PDE1A: variants seen among roughly 807,000 people sequenced by gnomAD.
The protein encoded by PDE1A is phosphodiesterase 1A.
In PDE1A, 35 loss-of-function variants were observed where a neutral mutation model predicts 61.7. The ratio of observed to expected loss-of-function variants is 0.57; its 90% CI spans 0.43 to 0.75. The LOEUF is 0.75. Among genes scored for constraint, PDE1A ranks in the 30% least tolerant of loss-of-function variants. The pLI, the probability that PDE1A is intolerant of heterozygous loss-of-function variation, is 0.00. For synonymous variants in PDE1A, 232 were observed against 213.2 expected (o/e 1.09, Z -0.77); for missense variants, 597 against 630.6 (o/e 0.95, Z 0.57).
the PDE1A span, among the ~76,000 whole-genome samples, chr2:182,650,387 T>C: frequency 6.6e-6 from 1 of 152,182 alleles, no homozygotes; most frequent in African/African-American, 2.4e-5. Context: ...TACAAATATG[T>C]AGTGTGATGT....
chr2:182,201,780 C>A (rs748629617), exon 9 of PDE1A: 1 of 1,602,282 alleles, frequency 6.2e-7, no homozygotes, highest in East Asian at 2.2e-5. Flanking sequence ...TCACTAGGTT[C>A]CGAAGATCCC....
chr2:182,462,422 C>T (rs115789140), intron 2 of PDE1A, among the ~76,000 whole-genome samples: 1,594 of 151,830 alleles, frequency 0.01, 24 homozygotes, highest in African/African-American at 0.036. Flanking sequence ...CTGATCAGCA[C>T]CCTCAAACCA....
At chr2:182,685,362 T>G in the PDE1A span, among the ~76,000 whole-genome samples, 1 of 152,190 alleles carries the variant, frequency 6.6e-6, no homozygotes, top group Non-Finnish European at 1.5e-5. Flanking sequence ...TGTATTTGTA[T>G]GCTATGTATA....
At chr2:182,196,885 C>T (rs1686178238) in intron 10 of PDE1A, among the ~76,000 whole-genome samples, 1 of 151,618 alleles carries the variant, frequency 6.6e-6, no homozygotes, top group Non-Finnish European at 1.5e-5. Context: ...ATAATGACTA[C>T]TCCTATATAA....
upstream of PDE1A, among the ~76,000 whole-genome samples, chr2:182,525,544 T>A (rs1442614584): frequency 6.6e-6 from 1 of 152,038 alleles, no homozygotes; most frequent in Non-Finnish European, 1.5e-5. Context: ...TGATTTCTAG[T>A]GGTTTAGCAC....
chr2:182,420,906 C>T (rs754234336), intron 1 of PDE1A, among the ~76,000 whole-genome samples: 2 of 152,048 alleles, frequency 1.3e-5, no homozygotes, highest in Non-Finnish European at 2.9e-5. Flanking sequence ...TCCAAGTGGC[C>T]GTAATCAAAT....
At chr2:182,205,370 G>T (rs1687010469) in intron 8 of PDE1A, among the ~76,000 whole-genome samples, 1 of 151,982 alleles carries the variant, frequency 6.6e-6, no homozygotes, top group African/African-American at 2.4e-5. Flanking sequence ...GTTATAAGAG[G>T]GATGGGGGTA....
chr2:182,161,362 T>G (rs901528190), intron 13 of PDE1A, among the ~76,000 whole-genome samples: 1 of 151,350 alleles, frequency 6.6e-6, no homozygotes, highest in African/African-American at 2.4e-5. Context: ...AAAAAAAAAA[T>G]GGAATTATCT....
At chr2:182,715,689 A>C in the PDE1A span, among the ~76,000 whole-genome samples, 1 of 152,222 alleles carries the variant, frequency 6.6e-6, no homozygotes, top group African/African-American at 2.4e-5. Flanking sequence ...TGTATGACTC[A>C]GAATCCAGAA....
chr2:182,142,931 T>C (rs1378601127), downstream of PDE1A: 3 of 152,244 alleles, frequency 2.0e-5, no homozygotes, highest in African/African-American at 7.2e-5. Context: ...CTTAATTCCT[T>C]GTATAGGAGT....
chr2:182,165,326 C>T (rs1356473068), downstream of PDE1A, among the ~76,000 whole-genome samples: 3 of 152,066 alleles, frequency 2.0e-5, no homozygotes, highest in Non-Finnish European at 4.4e-5. Context: ...CTAGGAGACA[C>T]AAAAATGATT....
intron 1 of PDE1A, among the ~76,000 whole-genome samples, chr2:182,374,475 T>G (rs568541027): frequency 2.6e-4 from 40 of 152,220 alleles, no homozygotes; most frequent in Non-Finnish European, 4.9e-4. Context: ...TAAAGTTTAC[T>G]TCATCACAAT....
In PDE1A at chr2:182,241,247, G is replaced by A. The variant is rs528272553; in HGVS notation, c.168-955C>T. On this transcript the variant is annotated intron_variant, in intron 2 of 13. Transcript: ENST00000351439. ...ACAGCTTACAGAACAGTTGAACTTTGCCTCTAGGAAGAACACAGGCCAGCT... is the reference window on the plus strand; with the variant it reads ...ACAGCTTACAGAACAGTTGAACTTTACCTCTAGGAAGAACACAGGCCAGCT... Among the ~76,000 whole-genome samples the A allele has an allele frequency of 1.5e-3, 225 of 152,292 alleles. 3 individuals carry two copies. Among genetic ancestry groups the A allele is most frequent in the South Asian group, 1.7e-3 (8 of 4,830 alleles).
intron 1 of PDE1A, among the ~76,000 whole-genome samples, chr2:182,317,924 A>G (rs1364713467): frequency 6.6e-6 from 1 of 152,158 alleles, no homozygotes; most frequent in Admixed American, 6.6e-5. Flanking sequence ...TATTGCATTT[A>G]TATCTCTTAA....
At chr2:182,648,702 TAAAAAAA>T in the PDE1A span, among the ~76,000 whole-genome samples, 3 of 122,916 alleles carry the variant, frequency 2.4e-5, no homozygotes, top group Non-Finnish European at 5.2e-5. Flanking sequence ...CCTGTCTCTT[TAAAAAAA>T]AAAAAAAAAA....
intron 2 of PDE1A, among the ~76,000 whole-genome samples, chr2:182,439,474 T>A (rs1335598626): frequency 6.6e-6 from 1 of 151,826 alleles, no homozygotes; most frequent in Admixed American, 6.6e-5. Flanking sequence ...CAGAGAGAAT[T>A]GGGAGTCAGG....
At chr2:182,579,736 G>T in the PDE1A span, among the ~76,000 whole-genome samples, 1 of 152,090 alleles carries the variant, frequency 6.6e-6, no homozygotes, top group Admixed American at 6.6e-5. Context: ...AAAAAAAAAG[G>T]AGAAATGAGC....
the PDE1A span, among the ~76,000 whole-genome samples, chr2:182,638,945 T>G: frequency 1.3e-5 from 2 of 152,046 alleles, no homozygotes; most frequent in Non-Finnish European, 2.9e-5. Flanking sequence ...ACTCAGAAAA[T>G]GTCAGCCCAG....
intron 1 of PDE1A, among the ~76,000 whole-genome samples, chr2:182,283,560 A>G (rs1693963610): frequency 6.6e-6 from 1 of 152,050 alleles, no homozygotes. Context: ...AACTGTTATG[A>G]GTTTTTTTAA....
Sources: gnomAD v4.1 joint callset for allele counts (sites outside exome capture counted in the v4.1 genomes callset) on GRCh38, gnomAD v4.1.1 for gene constraint, MANE v1.5 for transcripts, NCBI Gene and HGNC (gene_info 2026-07-23, HGNC 2026-07-21) for gene names.